The following GCC2 variants were observed in gnomAD, a reference collection of about 807,000 sequenced individuals.
The protein encoded by GCC2 is GRIP and coiled-coil domain-containing protein 2.
Under a neutral mutation model 210.6 loss-of-function variants are expected in GCC2, and 120 were observed. That is an observed-to-expected ratio of 0.57 (90% CI 0.49 to 0.66). The LOEUF is 0.66. Ranked by LOEUF, GCC2 falls within the 30% of genes least tolerant of loss-of-function variation. The probability of loss-of-function intolerance (pLI) is 0.00; values close to 1 mark genes in which losing one functional copy is unlikely to be tolerated. For missense variants in GCC2, 1,868 were observed against 1,871.9 expected, an observed-to-expected ratio of 1.00 and a Z score of 0.04; for synonymous variants, 703 against 652.7, an observed-to-expected ratio of 1.08 and a Z score of -1.17.
chr2:108,470,036 G>A lies in GCC2; in HGVS notation c.707G>A (p.Ser236Asn). Residue 236 changes from serine to asparagine, a missense_variant, in exon 6 of 23, where the codon AGT becomes AAT. Transcript: ENST00000309863. Reference sequence around the variant, plus strand: ...CAGCATTACCAAAAAAATATTAATAGTTTGCAGGAAGAGCTTTTACAGTTG... The same window carrying A: ...CAGCATTACCAAAAAAATATTAATAATTTGCAGGAAGAGCTTTTACAGTTG... The part of the protein sequence containing the change: ...NSQHYQKNIN[S>N]LQEELLQLKA... 1 of 1,613,074 alleles carries A rather than the reference G, an allele frequency of 6.2e-7. No homozygotes were observed. Among genetic ancestry groups the A allele is most frequent in the South Asian group, 1.1e-5 (1 of 90,848 alleles).
At chr2:108,486,408 A>G (rs150367311) in intron 15 of GCC2, 103 bp from the exon 16 acceptor site, 3 of 1,025,860 alleles carry the variant, frequency 2.9e-6, no homozygotes, top group Admixed American at 1.7e-5. Context: ...ATTATGCCTT[A>G]TATGTACTTA....
Position 108,471,554 on chromosome 2 carries a change from A to G in GCC2, c.2225A>G (p.Asn742Ser). ...QLMVEEQDNL[N>S]KLLENEQVQK... ...ATGGTTGAAGAGCAAGATAATTTAA[A>G]TAAACTGCTTGAAAATGAGCAAGTT... is the stretch of plus-strand genomic sequence containing the variant. Residue 742 changes from asparagine (N) to serine (S), a missense_variant, in exon 6 of 23, where the codon AAT becomes AGT. By Grantham distance (46) the Asn-to-Ser change is conservative (BLOSUM62 1). Coordinates refer to ENST00000309863, the MANE Select transcript of GCC2 (RefSeq NM_181453.4). 5 of 1,608,636 alleles carry G rather than the reference A, an allele frequency of 3.1e-6. No homozygotes were observed. Among genetic ancestry groups the G allele is most frequent in the Non-Finnish European group, 4.2e-6 (5 of 1,177,992 alleles).
chr2:108,502,878 G>A (rs1324367348), intron 22 of GCC2, among the ~76,000 whole-genome samples: 5 of 150,992 alleles, frequency 3.3e-5, no homozygotes, highest in Non-Finnish European at 7.4e-5. Context: ...AGCTGAGATG[G>A]TGCCATTGCA....
chr2:108,461,025 A>G (rs1380604907), intron 4 of GCC2, among the ~76,000 whole-genome samples: 2 of 152,212 alleles, frequency 1.3e-5, no homozygotes, highest in Non-Finnish European at 2.9e-5. Flanking sequence ...TGCAGCTTGA[A>G]GAACCATGAG....
At chr2:108,459,821 TCAGGAGCCTGAGG>T (rs1680470052) in intron 4 of GCC2, among the ~76,000 whole-genome samples, 1 of 137,588 alleles carries the variant, frequency 7.3e-6, no homozygotes. Flanking sequence ...GTATAGCTAC[TCAGGAGCCTGAGG>T]CAGAAGAATC....
Position 108,476,054 on chromosome 2 carries a change from C to CTTTTTTTTTTTTTTTT in GCC2, c.3060+215_3060+230dup, listed in dbSNP as rs56236751. On this transcript the variant is annotated intron_variant, in intron 9 of 22. Coordinates refer to ENST00000309863, the MANE Select transcript of GCC2 (RefSeq NM_181453.4). ...TGGTTAAGCTTTAAATAGTGGCTTG[C>CTTTTTTTTTTTTTTTT]TTTTTTTTTTTTTTTTTTTTTTTTT... Among the ~76,000 whole-genome samples, 13 of 96,310 alleles carry CTTTTTTTTTTTTTTTT rather than the reference C, an allele frequency of 1.3e-4. 1 individual carries two copies. The highest frequency in any genetic ancestry group is 3.3e-4 in the South Asian group (1 of 3,010). 63.2% of individuals were successfully genotyped at this position (96,310 alleles called of 152,430 possible). A position where few individuals can be genotyped will look rare whatever the true frequency, so the allele number is the denominator to read the frequency against.
intron 4 of GCC2, among the ~76,000 whole-genome samples, chr2:108,455,635 G>A (rs1214752300): frequency 2.0e-5 from 3 of 152,030 alleles, no homozygotes; most frequent in Admixed American, 1.3e-4. Flanking sequence ...ATATATATGT[G>A]TTGTGTACAT....
In GCC2 at chr2:108,469,661, C is replaced by T. The variant is rs376738248; in HGVS notation, c.332C>T (p.Thr111Ile). Residue 111 changes from threonine (T) to isoleucine (I), a missense_variant, in exon 6 of 23, where the codon ACA becomes ATA. Transcript: ENST00000309863. ...KMKQEVEDSV[T>I]KMGDAHKELE... ...TATTTTTTGTAATAGGATTCTGTAA[C>T]AAAGATGGGAGATGCACATAAGGAG... 7.0e-6 allele frequency: 11 copies of T among 1,578,308 alleles called. No homozygotes were observed. The highest frequency in any genetic ancestry group is 9.4e-6 in the Non-Finnish European group (11 of 1,165,810).
rs374634148 is a variant in GCC2 at position 108,484,145 on chromosome 2, G to T, written c.3451-4G>T. ...TGTAAATCTTTTACTTATAAAATGT[G>T]CAGGATGCCCAACAAACCACATTGA... On this transcript the variant is annotated splice_region_variant and splice_polypyrimidine_tract_variant and intron_variant, in intron 12 of 22. Coordinates refer to ENST00000309863, the MANE Select transcript of GCC2 (RefSeq NM_181453.4). 5.3e-4 allele frequency: 827 copies of T among 1,562,560 alleles called. 1 individual carries two copies. Among genetic ancestry groups the T allele is most frequent in the Non-Finnish European group, 6.6e-4 (763 of 1,159,280 alleles).
intron 21 of GCC2, among the ~76,000 whole-genome samples, chr2:108,498,205 TTTTTTTTTGA>T (rs1682742773): frequency 2.3e-5 from 3 of 130,502 alleles, no homozygotes; most frequent in African/African-American, 8.8e-5. Context: ...TTTTTTTTTT[TTTTTTTTTGA>T]GATAGAGTCT....
intron 9 of GCC2, among the ~76,000 whole-genome samples, chr2:108,479,008 A>G (rs1681692502): frequency 6.6e-6 from 1 of 152,060 alleles, no homozygotes; most frequent in African/African-American, 2.4e-5. Flanking sequence ...GTCTGGCCAC[A>G]TGGTGAAACC....
rs1480815777 is a variant in GCC2, at chr2:108,508,821, A to G, written c.*1191A>G. The G allele has an allele frequency of 6.6e-6, 1 of 152,630 alleles. No individual in the cohort carries two copies. The highest frequency in any genetic ancestry group is 2.4e-5 in the African/African-American group (1 of 41,462). 9.5% of individuals were successfully genotyped at this position (152,630 alleles called of 1,614,324 possible). A position where few individuals can be genotyped will look rare whatever the true frequency, so the allele number is the denominator to read the frequency against. On this transcript the variant is annotated 3_prime_UTR_variant, in exon 23 of 23. Coordinates refer to ENST00000309863, the MANE Select transcript of GCC2 (RefSeq NM_181453.4). ...GTGTTGTTCTTAAATCAAAAATTGGATAATTTGTAATATTTATGTGTTAAT... is the reference window on the plus strand; with the variant it reads ...GTGTTGTTCTTAAATCAAAAATTGGGTAATTTGTAATATTTATGTGTTAAT...
chr2:108,450,222 C>A (rs180854645), intron 2 of GCC2, among the ~76,000 whole-genome samples: 1 of 152,142 alleles, frequency 6.6e-6, no homozygotes, highest in South Asian at 2.1e-4. Context: ...CTGTTGTTAC[C>A]CTCCTTTTAC....
intron 7 of GCC2, among the ~76,000 whole-genome samples, chr2:108,473,749 T>C (rs1255093173): frequency 6.6e-6 from 1 of 152,122 alleles, no homozygotes; most frequent in Non-Finnish European, 1.5e-5. Context: ...AGTTTTAGAA[T>C]TAAGTTTAAA....
At chr2:108,482,139 G>T in intron 10 of GCC2, 148 bp from the exon 11 acceptor site, 1 of 572,524 alleles carries the variant, frequency 1.7e-6, no homozygotes, top group Non-Finnish European at 3.1e-6. Flanking sequence ...TTTTAAAACT[G>T]ATTCTTAATA....
At chr2:108,473,048 C>CT in intron 7 of GCC2, 149 bp downstream of exon 7, 5 of 514,640 alleles carry the variant, frequency 9.7e-6, no homozygotes, top group Non-Finnish European at 1.3e-5. Context: ...TCTTGCCCCT[C>CT]TAACACCTGT....
rs182135420 is a variant in GCC2, at chr2:108,475,563, G to A, written c.2889G>A (p.Lys963=). 3 of 1,504,552 alleles carry A rather than the reference G, an allele frequency of 2.0e-6. No individual in the cohort carries two copies. 93.2% of individuals were successfully genotyped at this position (1,504,552 alleles called of 1,614,324 possible). A position where few individuals can be genotyped will look rare whatever the true frequency, so the allele number is the denominator to read the frequency against. ...IENLEKECKE[K]EEKINKIKLV... ...ATCTGGAAAAAGAATGCAAAGAAAAGGAGGAGAAAATAAATAAGATAAAAT... is the reference window on the plus strand; with the variant it reads ...ATCTGGAAAAAGAATGCAAAGAAAAAGAGGAGAAAATAAATAAGATAAAAT... Residue 963 remains lysine (K), a synonymous_variant, in exon 8 of 23, where the codon AAG becomes AAA. Transcript: ENST00000309863.
rs1438362468 is a variant in GCC2, at chr2:108,485,324, AAAAAAAAAAAG to A, written c.3614-299_3614-289del. ...TACCCTAAAACTTAAAGTATAATTA[AAAAAAAAAAAG>A]AAAAAAAAAAGATGTTTGTAGTCCA... On this transcript the variant is annotated intron_variant, in intron 13 of 22. Coordinates refer to ENST00000309863, the MANE Select transcript of GCC2 (RefSeq NM_181453.4). 6.1e-5 allele frequency among the ~76,000 whole-genome samples: 9 copies of A among 148,058 alleles called. No homozygotes were observed. The Admixed American group carries it at 6.1e-4, about 10-fold the overall frequency.
In GCC2 at chr2:108,483,044, T is replaced by G; in HGVS notation, c.3346-18T>G. The G allele has an allele frequency of 7.3e-7, 1 of 1,378,158 alleles. No homozygotes were observed. Among genetic ancestry groups the G allele is most frequent in the Non-Finnish European group, 1.0e-6 (1 of 967,690 alleles). 85.4% of individuals were successfully genotyped at this position (1,378,158 alleles called of 1,614,324 possible). A position where few individuals can be genotyped will look rare whatever the true frequency, so the allele number is the denominator to read the frequency against. ...ATATTGGTTGGGTGGTGTGGGTTGTTTTTATTTTTAATTTCAGGAACATGC... is the reference window on the plus strand; with the variant it reads ...ATATTGGTTGGGTGGTGTGGGTTGTGTTTATTTTTAATTTCAGGAACATGC... On this transcript the variant is annotated intron_variant, in intron 11 of 22. Transcript: ENST00000309863.
Sources: gnomAD v4.1 joint callset for allele counts (sites outside exome capture counted in the v4.1 genomes callset) on GRCh38, gnomAD v4.1.1 for gene constraint, MANE v1.5 for transcripts, NCBI Gene and HGNC (gene_info 2026-07-23, HGNC 2026-07-21) for gene names.